NTRK2: variants seen among roughly 807,000 people sequenced by gnomAD.
The protein encoded by NTRK2 is neurotrophic receptor tyrosine kinase 2, also known as BDNF/NT-3 growth factors receptor.
In NTRK2, 13 loss-of-function variants were observed where a neutral mutation model predicts 94.5. The observed-to-expected ratio is 0.14, with a 90% CI of 0.09 to 0.22. The LOEUF (loss-of-function observed/expected upper bound fraction) is 0.22, where lower values mean the gene tolerates loss of function less well. Ranked by LOEUF, NTRK2 falls within the 10% of genes least tolerant of loss-of-function variation. The probability of loss-of-function intolerance (pLI) is 1.00; values close to 1 mark genes in which losing one functional copy is unlikely to be tolerated. For synonymous variants in NTRK2, 372 were observed against 407.4 expected (o/e 0.91, Z 1.05); for missense variants, 639 against 1,071.2 (o/e 0.60, Z 5.63).
At chr9:84,877,859 A>T (rs1020482704) in intron 14 of NTRK2, 29 of 1,035,970 alleles carry the variant, frequency 2.8e-5, no homozygotes, top group African/African-American at 6.7e-5. Context: ...GATCATTCAG[A>T]GCCAAACGCA....
intron 12 of NTRK2, among the ~76,000 whole-genome samples, chr9:84,752,640 CT>C (rs1374901108): frequency 1.3e-5 from 2 of 151,970 alleles, no homozygotes; most frequent in Non-Finnish European, 2.9e-5. Context: ...ATTAGCAGGG[CT>C]AGATTAAAAA....
chr9:84,875,754 T>C, intron 14 of NTRK2: 1 of 1,052,400 alleles, frequency 9.5e-7, no homozygotes, highest in Non-Finnish European at 1.1e-6. Flanking sequence ...CCCGGATCTT[T>C]CATCATGAAA....
intron 15 of NTRK2, among the ~76,000 whole-genome samples, chr9:84,938,753 G>T (rs1302315788): frequency 5.9e-5 from 9 of 152,058 alleles, no homozygotes; most frequent in Non-Finnish European, 1.3e-4. Context: ...ATAGCCTTTT[G>T]ATAAATAGAG....
intron 12 of NTRK2, among the ~76,000 whole-genome samples, chr9:84,796,276 G>C (rs1451700054): frequency 6.6e-6 from 1 of 152,078 alleles, no homozygotes; most frequent in Non-Finnish European, 1.5e-5. Context: ...TCTCAAAAAG[G>C]CTGCTTTGCC....
At chr9:84,699,203 A>G (rs2060571860) in intron 2 of NTRK2, among the ~76,000 whole-genome samples, 1 of 151,702 alleles carries the variant, frequency 6.6e-6, no homozygotes, top group Admixed American at 6.6e-5. Flanking sequence ...CGCCTGGCTA[A>G]TTTTTTGTAT....
chr9:84,815,428 C>T, intron 12 of NTRK2: 7 of 1,044,290 alleles, frequency 6.7e-6, no homozygotes, highest in Non-Finnish European at 8.1e-6. Flanking sequence ...CAAGAGATTC[C>T]TAAGAAACGC....
chr9:84,877,637 G>A (rs915663163), intron 14 of NTRK2: 10 of 1,065,084 alleles, frequency 9.4e-6, no homozygotes, highest in Non-Finnish European at 1.1e-5. Flanking sequence ...AAGGGGTTCT[G>A]TTGATTGCTA....
intron 8 of NTRK2, 61 bp downstream of exon 8, chr9:84,724,417 G>A: frequency 1.9e-6 from 3 of 1,602,450 alleles, no homozygotes; most frequent in East Asian, 2.2e-5. Flanking sequence ...ACCTACGTTT[G>A]TTGCTGGGGC....
rs545287125 is a variant in NTRK2 at position 84,677,875 on chromosome 9, T to A, written c.212+6915T>A. Among the ~76,000 whole-genome samples, 9 of 152,364 alleles carry A rather than the reference T, an allele frequency of 5.9e-5. No homozygotes were observed. The South Asian group carries it at 1.7e-3, about 28-fold the overall frequency. ...CAGTCTGATATATATTGTGAAGAGA[T>A]AAATGATTTGGTTGCCTTTGGTAAT... On this transcript the variant is annotated intron_variant, in intron 2 of 18. Coordinates refer to ENST00000277120, the MANE Select transcript of NTRK2 (RefSeq NM_006180.6).
intron 14 of NTRK2, among the ~76,000 whole-genome samples, chr9:84,879,072 C>A (rs1450488930): frequency 6.6e-6 from 1 of 152,054 alleles, no homozygotes; most frequent in Non-Finnish European, 1.5e-5. Flanking sequence ...CTTCTCACTA[C>A]ATTTTTAAAA....
At chr9:84,888,233 T>C (rs572987119) in intron 14 of NTRK2, among the ~76,000 whole-genome samples, 3 of 152,130 alleles carry the variant, frequency 2.0e-5, no homozygotes, top group Non-Finnish European at 4.4e-5. Context: ...AGACTTGCCA[T>C]CTGCTAAGTG....
At chr9:84,845,907 C>A (rs1162761593) in intron 12 of NTRK2, among the ~76,000 whole-genome samples, 1 of 150,864 alleles carries the variant, frequency 6.6e-6, no homozygotes, top group Non-Finnish European at 1.5e-5. Flanking sequence ...CACCTGTACT[C>A]CAAAAACTAT....
intron 12 of NTRK2, among the ~76,000 whole-genome samples, chr9:84,817,241 A>G (rs1219211420): frequency 6.6e-6 from 1 of 152,224 alleles, no homozygotes; most frequent in Non-Finnish European, 1.5e-5. Context: ...ACCCACTCGC[A>G]TATCTTGGTC....
intron 17 of NTRK2, among the ~76,000 whole-genome samples, chr9:84,974,340 G>GT: frequency 6.6e-6 from 1 of 152,162 alleles, no homozygotes; most frequent in East Asian, 1.9e-4. Context: ...TCGTTATGTG[G>GT]TTTTTATTAA....
chr9:84,888,982 A>ATTTTTTTTT lies in NTRK2; in HGVS notation c.1633+21569_1633+21577dup, dbSNP rs71369159. On this transcript the variant is annotated intron_variant, in intron 14 of 18. Transcript: ENST00000277120. ...TCCCCATTATTTATTAATGACAGAA[A>ATTTTTTTTT]TTTTTTTTTTTTTTTTTTTTTTTTT... 8.9e-3 allele frequency among the ~76,000 whole-genome samples: 908 copies of ATTTTTTTTT among 101,682 alleles called. 261 individuals carry two copies. The highest frequency in any genetic ancestry group is 0.025 in the African/African-American group (614 of 24,994). 66.7% of individuals were successfully genotyped at this position (101,682 alleles called of 152,430 possible). A position where few individuals can be genotyped will look rare whatever the true frequency, so the allele number is the denominator to read the frequency against.
At chr9:84,889,352 T>A (rs184161612) in intron 14 of NTRK2, among the ~76,000 whole-genome samples, 3,018 of 152,306 alleles carry the variant, frequency 0.02, 45 homozygotes, top group Non-Finnish European at 0.031. Context: ...CTTTCTGTAA[T>A]TCTAAAATAC....
At chr9:84,856,566 G>A (rs2075074768) in intron 12 of NTRK2, among the ~76,000 whole-genome samples, 1 of 152,126 alleles carries the variant, frequency 6.6e-6, no homozygotes, top group Non-Finnish European at 1.5e-5. Context: ...CACTTGGCCT[G>A]TCTACTCTGG....
chr9:84,893,235 T>C (rs982024365), intron 14 of NTRK2, among the ~76,000 whole-genome samples: 2 of 152,186 alleles, frequency 1.3e-5, no homozygotes, highest in African/African-American at 4.8e-5. Context: ...TTTTAAACCA[T>C]AGATTCATTT....
chr9:84,804,188 G>A (rs566611998), intron 12 of NTRK2, among the ~76,000 whole-genome samples: 4 of 152,140 alleles, frequency 2.6e-5, no homozygotes, highest in African/African-American at 7.2e-5. Flanking sequence ...CTGTTTTGGA[G>A]GCTTATTATC....
Sources: allele counts gnomAD v4.1 joint callset (sites outside exome capture counted in the v4.1 genomes callset), GRCh38; gene constraint gnomAD v4.1.1; transcripts MANE v1.5; gene names NCBI Gene and HGNC (gene_info 2026-07-23, HGNC 2026-07-21).